The following H2BC4 variants were observed in gnomAD, a reference collection of about 807,000 sequenced individuals.
The protein encoded by H2BC4 is histone H2B type 1-C/E/F/G/I.
H2BC4 carries 10 observed loss-of-function variants against 6.2 expected under a neutral mutation model. The observed-to-expected ratio is 1.61, with a 90% CI of 0.99 to 2.73. H2BC4 has a LOEUF of 2.73. Among genes scored for constraint, H2BC4 ranks in the 30% most tolerant of loss-of-function variants. H2BC4 has a pLI of 0.00. For synonymous variants in H2BC4, 146 were observed against 70.7 expected, an observed-to-expected ratio of 2.07 and a Z score of -5.35; for missense variants, 176 against 168.7, an observed-to-expected ratio of 1.04 and a Z score of -0.24.
downstream of H2BC4, among the ~76,000 whole-genome samples, chr6:26,113,188 A>G (rs73389464): frequency 0.015 from 2,319 of 152,154 alleles, 61 homozygotes; most frequent in African/African-American, 0.051. Flanking sequence ...CAGTTTATTT[A>G]TTTTTCTCTC....
At chr6:26,114,399 TC>T (rs1465823457), downstream of H2BC4, among the ~76,000 whole-genome samples, 2 of 152,208 alleles carry the variant, frequency 1.3e-5, no homozygotes, top group Non-Finnish European at 2.9e-5. Flanking sequence ...AATTTTTTTT[TC>T]TTTTGAAGGA....
rs759299723 is a variant in H2BC4 at position 26,123,497 on chromosome 6, A to C, written c.*27T>G. ...GGCTCTTAAAAGAGCCTTTGGGGTT[A>C]GGTGTTAAGACGCTTACTTGGAATG... On this transcript the variant is annotated 3_prime_UTR_variant, in exon 1 of 1. Transcript: ENST00000396984. The C allele has an allele frequency of 1.3e-5, 21 of 1,613,810 alleles. No individual in the cohort carries two copies. The East Asian group carries it at 2.9e-4, about 22-fold the overall frequency.
In H2BC4 at chr6:26,123,494, G is replaced by A. The variant is rs762227039; in HGVS notation, c.*30C>T. ...GGTGGCTCTTAAAAGAGCCTTTGGGGTTAGGTGTTAAGACGCTTACTTGGA... is the reference window on the plus strand; with the variant it reads ...GGTGGCTCTTAAAAGAGCCTTTGGGATTAGGTGTTAAGACGCTTACTTGGA... On this transcript the variant is annotated 3_prime_UTR_variant, in exon 1 of 1. Coordinates refer to ENST00000396984, the MANE Select transcript of H2BC4 (RefSeq NM_003526.3). 5.6e-6 allele frequency: 9 copies of A among 1,613,842 alleles called. No individual in the cohort carries two copies. Among genetic ancestry groups the A allele is most frequent in the African/African-American group, 2.7e-5 (2 of 74,896 alleles).
downstream of H2BC4, among the ~76,000 whole-genome samples, chr6:26,114,251 A>C (rs1468236567): frequency 2.0e-5 from 3 of 152,184 alleles, no homozygotes; most frequent in Non-Finnish European, 4.4e-5. Context: ...ATTATTCTTT[A>C]TATAGTGCCT....
At chr6:26,117,179 T>C (rs1218332101) in intron 1 of H2BC4, among the ~76,000 whole-genome samples, 1 of 152,212 alleles carries the variant, frequency 6.6e-6, no homozygotes, top group African/African-American at 2.4e-5. Context: ...GGCATTTTCA[T>C]ATCAAATAAT....
Position 26,123,841 on chromosome 6 carries a change from C to A in H2BC4, c.64G>T (p.Ala22Ser), listed in dbSNP as rs368126864. ...CGCTTCTTGCCATCTTTCTTCTGCG[C>A]TTTGGTCACTGCCTTCTTGGAGCCC... ...KKGSKKAVTKAQKKDGKKRKR... is the reference protein window; with the variant it reads ...KKGSKKAVTKSQKKDGKKRKR... Residue 22 changes from alanine to serine, a missense_variant, in exon 1 of 1, where the codon GCG (alanine) becomes TCG (serine). By Grantham distance (99) the Ala-to-Ser change is moderately conservative. Coordinates refer to ENST00000396984, the MANE Select transcript of H2BC4 (RefSeq NM_003526.3). The A allele has an allele frequency of 1.5e-5, 25 of 1,614,268 alleles. No individual in the cohort carries two copies. The highest frequency in any genetic ancestry group is 4.0e-5 in the African/African-American group (3 of 75,080).
In H2BC4 at chr6:26,123,514, C is replaced by G. The variant is rs750602400; in HGVS notation, c.*10G>C. Reference sequence around the variant, plus strand: ...TTGGGGTTAGGTGTTAAGACGCTTACTTGGAATGTTTACTTGGAGCTGGTG... The same window carrying G: ...TTGGGGTTAGGTGTTAAGACGCTTAGTTGGAATGTTTACTTGGAGCTGGTG... On this transcript the variant is annotated 3_prime_UTR_variant, in exon 1 of 1. Transcript: ENST00000396984. 2 of 1,614,196 alleles carry G rather than the reference C, an allele frequency of 1.2e-6. No individual in the cohort carries two copies. The highest frequency in any genetic ancestry group is 1.1e-5 in the South Asian group (1 of 91,088).
At chr6:26,123,454 T>C, downstream of H2BC4, 1 of 1,588,112 alleles carries the variant, frequency 6.3e-7, no homozygotes, top group Non-Finnish European at 8.5e-7. Flanking sequence ...CCACAGCTCT[T>C]TTAGTGGGTA....
At chr6:26,118,275 A>G (rs1340889989) in intron 1 of H2BC4, among the ~76,000 whole-genome samples, 1 of 152,230 alleles carries the variant, frequency 6.6e-6, no homozygotes, top group East Asian at 1.9e-4. Context: ...AATTGTCTCC[A>G]AGAATTTAAT....
At chr6:26,114,790 A>C (rs1198848451), downstream of H2BC4, 1 of 151,862 alleles carries the variant, frequency 6.6e-6, no homozygotes, top group Non-Finnish European at 1.5e-5. Context: ...ATGACACCTA[A>C]ATTTATTTTA....
At chr6:26,122,323 T>C (rs1170022743), downstream of H2BC4, among the ~76,000 whole-genome samples, 1 of 152,354 alleles carries the variant, frequency 6.6e-6, no homozygotes, top group Admixed American at 6.5e-5. Flanking sequence ...AAATCTGCTT[T>C]AACACTAATT....
downstream of H2BC4, among the ~76,000 whole-genome samples, chr6:26,113,341 T>C (rs1226946190): frequency 6.6e-6 from 1 of 152,218 alleles, no homozygotes; most frequent in East Asian, 1.9e-4. Flanking sequence ...TACTTTGCAT[T>C]TTTGTTTCTC....
At chr6:26,122,340 A>G (rs866788298), downstream of H2BC4, among the ~76,000 whole-genome samples, 9 of 152,336 alleles carry the variant, frequency 5.9e-5, 1 homozygote, top group Middle Eastern at 0.017. Flanking sequence ...AATTTTATTT[A>G]TTGTATATTC....
rs769425574 is a variant in H2BC4, at chr6:26,123,566, C to T, written c.339G>A (p.Ser113=). The T allele has an allele frequency of 3.7e-6, 6 of 1,614,228 alleles. No individual in the cohort carries two copies. The highest frequency in any genetic ancestry group is 2.2e-5 in the East Asian group (1 of 44,894). Residue 113 remains serine (S), a synonymous_variant, in exon 1 of 1, where the codon TCG becomes TCA. Coordinates refer to ENST00000396984, the MANE Select transcript of H2BC4 (RefSeq NM_003526.3). The stretch of plus-strand genomic sequence containing the variant: ...ACTTGGTGACGGCCTTGGTGCCCTC[C>T]GACACGGCGTGCTTGGCCAGCTCTC... ...LPGELAKHAV[S]EGTKAVTKYT...
chr6:26,117,109 G>A (rs1225842020), intron 1 of H2BC4, among the ~76,000 whole-genome samples: 1 of 151,664 alleles, frequency 6.6e-6, no homozygotes, highest in Non-Finnish European at 1.5e-5. Flanking sequence ...ATATGTTCAG[G>A]GAAAAAAAGT....
chr6:26,123,916 A>G lies in H2BC4; in HGVS notation c.-12T>C, dbSNP rs914923477. The G allele has an allele frequency of 6.2e-7, 1 of 1,610,938 alleles. No homozygotes were observed. The highest frequency in any genetic ancestry group is 8.5e-7 in the Non-Finnish European group (1 of 1,179,256). On this transcript the variant is annotated 5_prime_UTR_variant, in exon 1 of 1. Transcript: ENST00000396984. ...GCTGGCTCAGGCATCTTAAAACACC[A>G]GAAATGTGTCGAAAGTAAAGAGCGG...
At chr6:26,121,980 G>C (rs1338032150), downstream of H2BC4, among the ~76,000 whole-genome samples, 1 of 151,448 alleles carries the variant, frequency 6.6e-6, no homozygotes, top group African/African-American at 2.4e-5. Flanking sequence ...TTGAACCCGG[G>C]AGGCGGAGGT....
At chr6:26,119,044 G>A (rs1026678953), downstream of H2BC4, among the ~76,000 whole-genome samples, 18 of 151,772 alleles carry the variant, frequency 1.2e-4, no homozygotes, top group Non-Finnish European at 2.6e-4. Context: ...AAAGGCTCAA[G>A]GTAGTCATTA....
At chr6:26,119,907 AT>A (rs951714808), downstream of H2BC4, among the ~76,000 whole-genome samples, 7 of 151,878 alleles carry the variant, frequency 4.6e-5, no homozygotes, top group East Asian at 3.9e-4. Flanking sequence ...ATTGTGAAGT[AT>A]TTTTTTTACA....
Sources: allele counts gnomAD v4.1 joint callset (sites outside exome capture counted in the v4.1 genomes callset), GRCh38; gene constraint gnomAD v4.1.1; transcripts MANE v1.5; gene names NCBI Gene and HGNC (gene_info 2026-07-23, HGNC 2026-07-21).